Variants in GALNT5 observed in about 807,000 individuals in gnomAD.
GALNT5 encodes the protein UDP-GalNAc:polypeptide N-acetylgalactosaminyltransferase 5.
Under a neutral mutation model 85.4 loss-of-function variants are expected in GALNT5, and 72 were observed. The ratio of observed to expected loss-of-function variants is 0.84; its 90% CI spans 0.70 to 1.03. The LOEUF is 1.03. Among genes scored for constraint, GALNT5 ranks in the 50% least tolerant of loss-of-function variants. The pLI is 0.00. For missense variants in GALNT5, 1,137 were observed against 1,135.5 expected, an observed-to-expected ratio of 1.00 and a Z score of -0.02; for synonymous variants, 404 against 397.0, an observed-to-expected ratio of 1.02 and a Z score of -0.21.
chr2:157,308,558 C>G lies in GALNT5; in HGVS notation c.2521-9C>G. On this transcript the variant is annotated splice_polypyrimidine_tract_variant and intron_variant, in intron 8 of 9. Transcript: ENST00000259056. ...CCTGAAGTGACCTCTTTATTCATTT[C>G]CCCCACAGCTTCAACAATTTAATTA... The G allele has an allele frequency of 6.3e-7, 1 of 1,596,350 alleles. No homozygotes were observed. Among genetic ancestry groups the G allele is most frequent in the East Asian group, 2.2e-5 (1 of 44,578 alleles).
At chr2:157,286,345 A>G (rs560277789) in intron 3 of GALNT5, among the ~76,000 whole-genome samples, 14 of 152,164 alleles carry the variant, frequency 9.2e-5, no homozygotes, top group Non-Finnish European at 1.9e-4. Flanking sequence ...CCTTTGAAAA[A>G]GAAGTTACAG....
chr2:157,282,852 A>C (rs1478478385), intron 1 of GALNT5, among the ~76,000 whole-genome samples: 1 of 152,204 alleles, frequency 6.6e-6, no homozygotes, highest in Non-Finnish European at 1.5e-5. Flanking sequence ...GTGTATAATA[A>C]TATGTATCTC....
At chr2:157,280,376 T>A (rs1682829533) in intron 1 of GALNT5, among the ~76,000 whole-genome samples, 1 of 152,088 alleles carries the variant, frequency 6.6e-6, no homozygotes, top group Non-Finnish European at 1.5e-5. Flanking sequence ...GAGAAAGTGA[T>A]GTGAAGACAG....
chr2:157,316,638 T>C lies in GALNT5; in HGVS notation c.*5290T>C, dbSNP rs138730798. Among the ~76,000 whole-genome samples, 756 of 152,238 alleles carry C rather than the reference T, an allele frequency of 5.0e-3. 6 individuals carry two copies. Among genetic ancestry groups the C allele is most frequent in the African/African-American group, 0.017 (705 of 41,554 alleles). ...ATTAGAAAAAAAAATTAACCAGAGA[T>C]ATTGTACAAAATATTTATTTTTTGA... is the stretch of plus-strand genomic sequence containing the variant. On this transcript the variant is annotated 3_prime_UTR_variant, in exon 10 of 10. Coordinates refer to ENST00000259056, the MANE Select transcript of GALNT5 (RefSeq NM_014568.3).
chr2:157,280,640 C>T (rs1682835785), intron 1 of GALNT5, among the ~76,000 whole-genome samples: 1 of 152,144 alleles, frequency 6.6e-6, no homozygotes. Flanking sequence ...CCCAAAAATA[C>T]AGAAGTATCA....
In GALNT5 at chr2:157,316,244, T is replaced by A. The variant is rs1683701601; in HGVS notation, c.*4896T>A. ...GCTGCTAGCTTTACATATGGGAGCCTCTAGCTTGCATATCTATACTTGCAA... is the reference window on the plus strand; with the variant it reads ...GCTGCTAGCTTTACATATGGGAGCCACTAGCTTGCATATCTATACTTGCAA... On this transcript the variant is annotated 3_prime_UTR_variant, in exon 10 of 10. Coordinates refer to ENST00000259056, the MANE Select transcript of GALNT5 (RefSeq NM_014568.3). 6.6e-6 allele frequency among the ~76,000 whole-genome samples: 1 copy of A among 152,084 alleles called. No homozygotes were observed. The highest frequency in any genetic ancestry group is 1.5e-5 in the Non-Finnish European group (1 of 68,016).
chr2:157,260,528 G>C (rs566536744), intron 1 of GALNT5, among the ~76,000 whole-genome samples: 11 of 152,142 alleles, frequency 7.2e-5, no homozygotes, highest in East Asian at 3.8e-4. Flanking sequence ...CTCAACAGCC[G>C]TATGTTCAAT....
intron 1 of GALNT5, among the ~76,000 whole-genome samples, chr2:157,277,650 C>CT (rs1574018755): frequency 1.3e-5 from 2 of 151,980 alleles, no homozygotes; most frequent in Non-Finnish European, 2.9e-5. Flanking sequence ...AACCCCTGTT[C>CT]TTTTTTTGCT....
intron 5 of GALNT5, among the ~76,000 whole-genome samples, chr2:157,297,922 G>A (rs1025010725): frequency 2.6e-5 from 4 of 152,186 alleles, no homozygotes; most frequent in African/African-American, 7.2e-5. Flanking sequence ...CTGTACCACT[G>A]AGAAGTGGTA....
In GALNT5 at chr2:157,295,793, T is replaced by C. The variant is rs202135867; in HGVS notation, c.1872T>C (p.Asp624=). ...TAATCGAAGTCATCAATGATAAGGA[T>C]ATGAGGTAATATTTACACATTCCAC... is the stretch of plus-strand genomic sequence containing the variant. ...CPVIEVINDK[D]MSYMTVDNFQ... is the part of the protein sequence containing the mutation. The change falls in exon 4 of 10, where the codon GAT becomes GAC. Residue 624 remains aspartate, a synonymous_variant. Coordinates refer to ENST00000259056, the MANE Select transcript of GALNT5 (RefSeq NM_014568.3). 4.4e-6 allele frequency: 7 copies of C among 1,600,000 alleles called. No individual in the cohort carries two copies. In the East Asian group the frequency reaches 1.3e-4, roughly 31 times the overall value.
rs1683600375 is a variant in GALNT5 at position 157,312,599 on chromosome 2, A to G, written c.*1251A>G. The stretch of plus-strand genomic sequence containing the variant: ...AAGCATACCAATACTTTGGCATACC[A>G]GAAGACACCTTAGAAATCAGGATAG... On this transcript the variant is annotated 3_prime_UTR_variant, in exon 10 of 10. Transcript: ENST00000259056. 1 of 152,206 alleles carries G rather than the reference A, an allele frequency of 6.6e-6. No homozygotes were observed. The highest frequency in any genetic ancestry group is 2.4e-5 in the African/African-American group (1 of 41,462). 9.4% of individuals were successfully genotyped at this position (152,206 alleles called of 1,614,324 possible). A position where few individuals can be genotyped will look rare whatever the true frequency, so the allele number is the denominator to read the frequency against.
rs1574039594 is a variant in GALNT5, at chr2:157,312,756, C to G, written c.*1408C>G. 1 of 152,122 alleles carries G rather than the reference C, an allele frequency of 6.6e-6. No individual in the cohort carries two copies. The highest frequency in any genetic ancestry group is 6.5e-5 in the Admixed American group (1 of 15,270). The allele number at this position is 152,122 out of a possible 1,614,324, so 9.4% of individuals were successfully genotyped here. A position where few individuals can be genotyped will look rare whatever the true frequency, so the allele number is the denominator to read the frequency against. ...TCCAGAGACAGGGCTCATTCTAATGCCTCAGGTCACTGGCCCGAACAAATC... is the reference window on the plus strand; with the variant it reads ...TCCAGAGACAGGGCTCATTCTAATGGCTCAGGTCACTGGCCCGAACAAATC... On this transcript the variant is annotated 3_prime_UTR_variant, in exon 10 of 10. Transcript: ENST00000259056.
chr2:157,284,501 A>AAGTTTAGTAGC, intron 2 of GALNT5, 53 bp downstream of exon 2: 1 of 1,432,750 alleles, frequency 7.0e-7, no homozygotes, highest in East Asian at 2.3e-5. Flanking sequence ...GGCAGAAGCA[A>AAGTTTAGTAGC]AGTTTAGTAG....
chr2:157,280,163 T>A (rs904915178), intron 1 of GALNT5, among the ~76,000 whole-genome samples: 16 of 152,166 alleles, frequency 1.1e-4, no homozygotes, highest in African/African-American at 3.9e-4. Flanking sequence ...CAAAAATATA[T>A]TTACTTCCTA....
At chr2:157,293,981 C>A (rs1683156964) in intron 3 of GALNT5, among the ~76,000 whole-genome samples, 1 of 152,128 alleles carries the variant, frequency 6.6e-6, no homozygotes, top group Non-Finnish European at 1.5e-5. Context: ...GTTTCCTTGT[C>A]TCTTAAGTGG....
intron 3 of GALNT5, among the ~76,000 whole-genome samples, chr2:157,293,961 T>C (rs1683156788): frequency 6.6e-6 from 1 of 152,368 alleles, no homozygotes; most frequent in East Asian, 1.9e-4. Flanking sequence ...CCTAGGGTCT[T>C]TGTTCTTTAG....
chr2:157,306,160 T>C (rs1683451985), intron 8 of GALNT5, among the ~76,000 whole-genome samples: 1 of 152,212 alleles, frequency 6.6e-6, no homozygotes, highest in African/African-American at 2.4e-5. Context: ...AGTTAGGTAA[T>C]ACATATGAAG....
intron 5 of GALNT5, among the ~76,000 whole-genome samples, chr2:157,297,641 A>C (rs1480198766): frequency 6.6e-6 from 1 of 152,192 alleles, no homozygotes; most frequent in African/African-American, 2.4e-5. Flanking sequence ...TGCGTTCTGG[A>C]TAGTCTAGTA....
chr2:157,304,978 A>G (rs75305882), intron 7 of GALNT5, among the ~76,000 whole-genome samples: 2,582 of 152,262 alleles, frequency 0.017, 62 homozygotes, highest in African/African-American at 0.053. Flanking sequence ...TTCCCAGGAC[A>G]TGTCCTATAG....
Sources: allele counts gnomAD v4.1 joint callset (sites outside exome capture counted in the v4.1 genomes callset), GRCh38; gene constraint gnomAD v4.1.1; transcripts MANE v1.5; gene names NCBI Gene and HGNC (gene_info 2026-07-23, HGNC 2026-07-21).